Variants in LHX9 observed in about 807,000 individuals in gnomAD.
The protein encoded by LHX9 is LIM/homeobox protein Lhx9.
LHX9 carries 9 observed loss-of-function variants against 36.5 expected under a neutral mutation model. The ratio of observed to expected loss-of-function variants is 0.25; its 90% CI spans 0.15 to 0.43. The LOEUF is 0.43. Among genes scored for constraint, LHX9 ranks in the 20% least tolerant of loss-of-function variants. The probability of loss-of-function intolerance (pLI) is 1.00; values close to 1 mark genes in which losing one functional copy is unlikely to be tolerated. For synonymous variants in LHX9, 211 were observed against 212.1 expected (o/e 0.99, Z 0.04); for missense variants, 464 against 526.4 (o/e 0.88, Z 1.16).
In LHX9 at chr1:197,935,087, T is replaced by C. The variant is rs1382395655; in HGVS notation, c.*5828T>C. 6.6e-6 allele frequency: 1 copy of C among 152,146 alleles called. No homozygotes were observed. The highest frequency in any genetic ancestry group is 2.4e-5 in the African/African-American group (1 of 41,436). 9.4% of individuals were successfully genotyped at this position (152,146 alleles called of 1,614,324 possible). A position where few individuals can be genotyped will look rare whatever the true frequency, so the allele number is the denominator to read the frequency against. ...TTATTGCCACAACTAAATTTCTGTTTAACTGTGTTGCAGAATATGATAATG... is the reference window on the plus strand; with the variant it reads ...TTATTGCCACAACTAAATTTCTGTTCAACTGTGTTGCAGAATATGATAATG... On this transcript the variant is annotated 3_prime_UTR_variant, in exon 5 of 5. Coordinates refer to ENST00000367387, the MANE Select transcript of LHX9 (RefSeq NM_020204.3).
chr1:197,913,743 G>C (rs1012508716), upstream of LHX9, among the ~76,000 whole-genome samples: 1 of 152,174 alleles, frequency 6.6e-6, no homozygotes, highest in Non-Finnish European at 1.5e-5. Flanking sequence ...CTTTCAAACC[G>C]AAGGGGCTCC....
Position 197,917,499 on chromosome 1 carries a change from C to T in LHX9, c.-325C>T, listed in dbSNP as rs776721817. ...CTTCACCAGATTTTGTTTTCCTCCC[C>T]CCGCTGCAGTTGTTTCCCATTAGTA... On this transcript the variant is annotated 5_prime_UTR_variant, in exon 1 of 5. Coordinates refer to ENST00000367387, the MANE Select transcript of LHX9 (RefSeq NM_020204.3). 6 of 1,390,550 alleles carry T rather than the reference C, an allele frequency of 4.3e-6. No individual in the cohort carries two copies. The South Asian group carries it at 6.1e-5, about 14-fold the overall frequency. 86.1% of individuals were successfully genotyped at this position (1,390,550 alleles called of 1,614,324 possible).
upstream of LHX9, among the ~76,000 whole-genome samples, chr1:197,914,679 G>A (rs111694034): frequency 7.2e-5 from 11 of 152,148 alleles, no homozygotes; most frequent in Admixed American, 5.9e-4. Context: ...CCATGGGGAC[G>A]TATTTCCGCA....
At chr1:197,912,873 C>G (rs182747696), upstream of LHX9, 3 of 421,402 alleles carry the variant, frequency 7.1e-6, no homozygotes, top group East Asian at 4.8e-5. Context: ...GCTCCAGGGA[C>G]GCGCTCCTGA....
At chr1:197,926,048 G>T (rs1017178714) in intron 3 of LHX9, among the ~76,000 whole-genome samples, 1 of 152,226 alleles carries the variant, frequency 6.6e-6, no homozygotes, top group Non-Finnish European at 1.5e-5. Flanking sequence ...ACATTTGTTT[G>T]TGTCTAGTCT....
chr1:197,914,757 G>A (rs552964948), upstream of LHX9, among the ~76,000 whole-genome samples: 2 of 152,152 alleles, frequency 1.3e-5, no homozygotes, highest in African/African-American at 4.8e-5. Flanking sequence ...CAGACTTCCT[G>A]CGTTCACTGA....
At position 197,929,713 on chromosome 1, in the gene LHX9, A is replaced by T. The variant is rs1196214794; in HGVS notation, c.*454A>T. ...AAATCTTGCAATTGTATGTGTGATT[A>T]TGGAGTTTTGAAAACGTTACATTTT... On this transcript the variant is annotated 3_prime_UTR_variant, in exon 5 of 5. Transcript: ENST00000367387. 7.4e-6 allele frequency: 7 copies of T among 941,064 alleles called. No homozygotes were observed. The East Asian group carries it at 6.9e-4, about 92-fold the overall frequency. 58.3% of individuals were successfully genotyped at this position (941,064 alleles called of 1,614,324 possible). A position where few individuals can be genotyped will look rare whatever the true frequency, so the allele number is the denominator to read the frequency against.
chr1:197,929,441 G>A lies in LHX9; in HGVS notation c.*182G>A. On this transcript the variant is annotated 3_prime_UTR_variant, in exon 5 of 5. Transcript: ENST00000367387. ...ACTTGGCAAATGAGTTTACAGTATT[G>A]TCTCCTTTAAGTGAATATATTTTGT... is the stretch of plus-strand genomic sequence containing the variant. The A allele has an allele frequency of 9.0e-7, 1 of 1,115,632 alleles. No homozygotes were observed. Among genetic ancestry groups the A allele is most frequent in the Non-Finnish European group, 1.1e-6 (1 of 915,748 alleles). The allele number at this position is 1,115,632 out of a possible 1,614,324, so 69.1% of individuals were successfully genotyped here.
At position 197,932,243 on chromosome 1, in the gene LHX9, C is replaced by T. The variant is rs1178661513; in HGVS notation, c.*2984C>T. On this transcript the variant is annotated 3_prime_UTR_variant, in exon 5 of 5. Transcript: ENST00000367387. ...GCAACCTGGCAGTAATATGCCCACCCCATATTTGAAAAAAATTATTATTGA... is the reference window on the plus strand; with the variant it reads ...GCAACCTGGCAGTAATATGCCCACCTCATATTTGAAAAAAATTATTATTGA... 4 of 323,876 alleles carry T rather than the reference C, an allele frequency of 1.2e-5. No individual in the cohort carries two copies. Among genetic ancestry groups the T allele is most frequent in the Non-Finnish European group, 2.2e-5 (4 of 178,210 alleles). The allele number at this position is 323,876 out of a possible 1,614,324, so 20.1% of individuals were successfully genotyped here.
At chr1:197,917,341 T>C, upstream of LHX9, 4 of 1,275,628 alleles carry the variant, frequency 3.1e-6, no homozygotes, top group Non-Finnish European at 4.1e-6. Flanking sequence ...CTTTAGTCTC[T>C]TAACAAATTG....
chr1:197,918,380 G>C, intron 1 of LHX9: 5 of 717,296 alleles, frequency 7.0e-6, no homozygotes, highest in Non-Finnish European at 1.3e-5. Context: ...GGAGGACGGC[G>C]CGCTGCCGAG....
Position 197,917,837 on chromosome 1 carries a change from G to A in LHX9, c.14G>A (p.Gly5Glu), listed in dbSNP as rs1179060827. Residue 5 changes from glycine to glutamate, a missense_variant, in exon 1 of 5, where the codon GGG becomes GAG. Around this residue, in one of 5 missense-constraint regions of LHX9, gnomAD observed 119 missense variants for 102.4 expected, o/e 1.16. Transcript: ENST00000367387. Reference sequence around the variant, plus strand: ...GGGCGTGTGTATATGGAAATAGTGGGGTGCCGAGCAGAAGACAACTCGTGT... The same window carrying A: ...GGGCGTGTGTATATGGAAATAGTGGAGTGCCGAGCAGAAGACAACTCGTGT... Reference protein sequence around the residue: MEIVGCRAEDNSCPF... With the variant: MEIVECRAEDNSCPF... 1 of 1,614,188 alleles carries A rather than the reference G, an allele frequency of 6.2e-7. No homozygotes were observed. The highest frequency in any genetic ancestry group is 1.1e-5 in the South Asian group (1 of 91,078).
At chr1:197,916,246 G>T (rs557686622), upstream of LHX9, 10 of 170,268 alleles carry the variant, frequency 5.9e-5, no homozygotes, top group South Asian at 1.6e-3. Context: ...CGCCGCTGCC[G>T]AGAACTGAGG....
intron 1 of LHX9, 61 bp from the exon 2 acceptor site, chr1:197,919,911 C>G (rs1044385774): frequency 6.4e-7 from 1 of 1,567,768 alleles, no homozygotes; most frequent in Non-Finnish European, 8.7e-7. Context: ...TGGGGGAGAA[C>G]CCCGCGTCGT....
rs1660336633 is a variant in LHX9 at position 197,931,974 on chromosome 1, A to G, written c.*2715A>G. ...ACATCCCGACGTTTGAAAATTCCCT[A>G]AAGTATTAAAAGAAGGGGAAAAGTT... is the stretch of plus-strand genomic sequence containing the variant. On this transcript the variant is annotated 3_prime_UTR_variant, in exon 5 of 5. Transcript: ENST00000367387. 2 of 1,544,680 alleles carry G rather than the reference A, an allele frequency of 1.3e-6. No homozygotes were observed. The highest frequency in any genetic ancestry group is 1.4e-5 in the African/African-American group (1 of 73,064).
rs796568978 is a variant in LHX9 at position 197,934,559 on chromosome 1, C to T, written c.*5300C>T. On this transcript the variant is annotated 3_prime_UTR_variant, in exon 5 of 5. Coordinates refer to ENST00000367387, the MANE Select transcript of LHX9 (RefSeq NM_020204.3). ...TTCAATAGCTTTTACATTTTGTAGT[C>T]TCTTCCACAACAGGGCAAAATAAGC... 7.2e-5 allele frequency: 11 copies of T among 152,262 alleles called. No individual in the cohort carries two copies. The highest frequency in any genetic ancestry group is 2.4e-4 in the African/African-American group (10 of 41,566). The allele number at this position is 152,262 out of a possible 1,614,324, so 9.4% of individuals were successfully genotyped here.
rs1659812249 is a variant in LHX9 at position 197,917,698 on chromosome 1, T to A, written c.-126T>A. The A allele has an allele frequency of 6.3e-7, 1 of 1,579,796 alleles. No individual in the cohort carries two copies. Among genetic ancestry groups the A allele is most frequent in the African/African-American group, 1.4e-5 (1 of 72,784 alleles). Reference sequence around the variant, plus strand: ...AGCAGACCGATTTCCACTCCATCTGTTTCTTCTCCTCCTTTCTCTCCCTCT... The same window carrying A: ...AGCAGACCGATTTCCACTCCATCTGATTCTTCTCCTCCTTTCTCTCCCTCT... On this transcript the variant is annotated 5_prime_UTR_variant, in exon 1 of 5. Transcript: ENST00000367387.
At position 197,929,562 on chromosome 1, in the gene LHX9, A is replaced by G. The variant is rs977001622; in HGVS notation, c.*303A>G. The G allele has an allele frequency of 1.2e-5, 11 of 939,640 alleles. No individual in the cohort carries two copies. The highest frequency in any genetic ancestry group is 1.1e-4 in the East Asian group (1 of 9,174). 58.2% of individuals were successfully genotyped at this position (939,640 alleles called of 1,614,324 possible). ...TCTAATAAGTGCCTCTTAAAATTGTATGTTACTTATTTCCAGAATCTCGAA... is the reference window on the plus strand; with the variant it reads ...TCTAATAAGTGCCTCTTAAAATTGTGTGTTACTTATTTCCAGAATCTCGAA... On this transcript the variant is annotated 3_prime_UTR_variant, in exon 5 of 5. Coordinates refer to ENST00000367387, the MANE Select transcript of LHX9 (RefSeq NM_020204.3).
In LHX9 at chr1:197,927,575, A is replaced by G. The variant is rs367946372; in HGVS notation, c.734-16A>G. On this transcript the variant is annotated splice_polypyrimidine_tract_variant and intron_variant, in intron 3 of 4. Transcript: ENST00000367387. ...ATTTCCACTGAGCAGTTGTTTGTTCACTGTTACTGCAACAGGTTGTAATGA... is the reference window on the plus strand; with the variant it reads ...ATTTCCACTGAGCAGTTGTTTGTTCGCTGTTACTGCAACAGGTTGTAATGA... 3 of 1,610,820 alleles carry G rather than the reference A, an allele frequency of 1.9e-6. No homozygotes were observed. In the African/African-American group the frequency reaches 4.0e-5, roughly 22 times the overall value.
Sources: allele counts gnomAD v4.1 joint callset (sites outside exome capture counted in the v4.1 genomes callset), GRCh38; gene constraint gnomAD v4.1.1; regional missense constraint gnomAD v4.1.1; transcripts MANE v1.5; gene names NCBI Gene and HGNC (gene_info 2026-07-23, HGNC 2026-07-21).